The following XIRP2 variants were observed in gnomAD, a reference collection of about 807,000 sequenced individuals.
The protein encoded by XIRP2 is xin actin binding repeat containing 2.
A neutral mutation model predicts 277.0 loss-of-function variants in XIRP2; 236 were observed. The observed-to-expected ratio is 0.85, with a 90% CI of 0.77 to 0.95. The LOEUF is 0.95. XIRP2 is among the 40% of genes least tolerant of loss of function. The probability of loss-of-function intolerance (pLI) is 0.00; values close to 1 mark genes in which losing one functional copy is unlikely to be tolerated. For synonymous variants in XIRP2, 1,490 were observed against 1,416.5 expected, an observed-to-expected ratio of 1.05 and a Z score of -1.17; for missense variants, 4,640 against 4,157.5, an observed-to-expected ratio of 1.12 and a Z score of -3.19.
At chr2:167,036,867 G>C (rs979559222) in intron 2 of XIRP2, among the ~76,000 whole-genome samples, 1 of 152,142 alleles carries the variant, frequency 6.6e-6, no homozygotes, top group Non-Finnish European at 1.5e-5. Flanking sequence ...TCTCATGATA[G>C]TGAATAAGTC....
At chr2:167,220,640 T>C (rs912715895) in intron 5 of XIRP2, among the ~76,000 whole-genome samples, 1 of 152,190 alleles carries the variant, frequency 6.6e-6, no homozygotes, top group African/African-American at 2.4e-5. Context: ...AAGAATCATT[T>C]TCCCAGAAGT....
At chr2:167,203,544 A>G (rs1203550246) in intron 3 of XIRP2, among the ~76,000 whole-genome samples, 1 of 152,150 alleles carries the variant, frequency 6.6e-6, no homozygotes, top group Non-Finnish European at 1.5e-5. Flanking sequence ...AAATGCTACA[A>G]GATGGTTTTT....
At chr2:166,918,461 C>G (rs1684948717) in intron 2 of XIRP2, among the ~76,000 whole-genome samples, 1 of 152,002 alleles carries the variant, frequency 6.6e-6, no homozygotes, top group Non-Finnish European at 1.5e-5. Flanking sequence ...GTATGAAAAT[C>G]AGTCATAGGA....
intron 2 of XIRP2, among the ~76,000 whole-genome samples, chr2:167,037,518 G>GTGTGTGTGTGTGT (rs1553481077): frequency 1.6e-5 from 2 of 126,382 alleles, no homozygotes; most frequent in African/African-American, 3.3e-5. Flanking sequence ...TCATGTGGGG[G>GTGTGTGTGTGTGT]GTGTGTGTGT....
chr2:166,915,902 A>G (rs1030796395), intron 2 of XIRP2, among the ~76,000 whole-genome samples: 1 of 152,174 alleles, frequency 6.6e-6, no homozygotes, highest in African/African-American at 2.4e-5. Flanking sequence ...CATGAGCTGA[A>G]CTGTATCAAA....
At chr2:167,147,182 C>T (rs1203830577) in intron 3 of XIRP2, among the ~76,000 whole-genome samples, 1 of 151,960 alleles carries the variant, frequency 6.6e-6, no homozygotes, top group Non-Finnish European at 1.5e-5. Flanking sequence ...AAATATTGGC[C>T]AGTGAAATTG....
chr2:167,153,032 TG>T (rs1455898555), intron 3 of XIRP2, among the ~76,000 whole-genome samples: 3 of 152,180 alleles, frequency 2.0e-5, no homozygotes, highest in Non-Finnish European at 2.9e-5. Flanking sequence ...CTCTGTATTA[TG>T]ATTTATTTGT....
chr2:166,898,032 T>C (rs1313436971), intron 1 of XIRP2, among the ~76,000 whole-genome samples: 1 of 152,076 alleles, frequency 6.6e-6, no homozygotes, highest in African/African-American at 2.4e-5. Flanking sequence ...TTTGTTTCCA[T>C]GAGAAGAGAG....
intron 2 of XIRP2, among the ~76,000 whole-genome samples, chr2:166,960,167 A>T (rs1208370218): frequency 2.6e-5 from 4 of 151,736 alleles, no homozygotes; most frequent in Admixed American, 1.3e-4. Flanking sequence ...GTTGCTTTTT[A>T]ACCAAGAATA....
At chr2:167,028,391 GA>G (rs1397796284) in intron 2 of XIRP2, among the ~76,000 whole-genome samples, 1 of 152,004 alleles carries the variant, frequency 6.6e-6, no homozygotes, top group Non-Finnish European at 1.5e-5. Flanking sequence ...CAGAAACTAA[GA>G]GAAGAGAGCA....
At chr2:166,955,826 T>A (rs1686147638) in intron 2 of XIRP2, among the ~76,000 whole-genome samples, 1 of 151,350 alleles carries the variant, frequency 6.6e-6, no homozygotes, top group Non-Finnish European at 1.5e-5. Context: ...TTTTTTTTTT[T>A]CTTTTTGGCT....
At chr2:167,122,461 C>G (rs1256340606) in intron 2 of XIRP2, among the ~76,000 whole-genome samples, 3 of 152,158 alleles carry the variant, frequency 2.0e-5, no homozygotes, top group Non-Finnish European at 4.4e-5. Context: ...TAACAGGCAT[C>G]AGAAATGTTG....
chr2:167,215,596 C>T (rs1009118613), intron 4 of XIRP2, among the ~76,000 whole-genome samples: 2 of 152,126 alleles, frequency 1.3e-5, no homozygotes, highest in Non-Finnish European at 2.9e-5. Context: ...GTATAGAAAC[C>T]TCTCAGCTCC....
chr2:166,907,465 C>A (rs974703288), intron 2 of XIRP2, among the ~76,000 whole-genome samples: 1 of 152,118 alleles, frequency 6.6e-6, no homozygotes, highest in South Asian at 2.1e-4. Flanking sequence ...TTCATCTGAT[C>A]TTGTCTGATG....
At chr2:167,013,917 C>T (rs1369569433) in intron 2 of XIRP2, among the ~76,000 whole-genome samples, 4 of 151,036 alleles carry the variant, frequency 2.6e-5, no homozygotes, top group African/African-American at 7.3e-5. Context: ...TATATCAGCT[C>T]AGTATCTAGT....
intron 9 of XIRP2, among the ~76,000 whole-genome samples, chr2:167,252,490 G>A (rs953440829): frequency 3.3e-5 from 5 of 151,844 alleles, no homozygotes; most frequent in South Asian, 2.1e-4. Context: ...CTACTGAGTT[G>A]GATAGAGTTA....
rs372395833 is a variant in XIRP2, at chr2:167,053,960, G to A, written c.409-81949G>A. On this transcript the variant is annotated intron_variant, in intron 2 of 10. Coordinates refer to ENST00000409195, the MANE Select transcript of XIRP2 (RefSeq NM_152381.6). ...CCCTGAAATTGTACTTCAGTGAAAC[G>A]ATCTGTATTATGGTTCAAGAATTGT... Among the ~76,000 whole-genome samples the A allele has an allele frequency of 8.1e-4, 124 of 152,244 alleles. 5 individuals are homozygous for A. The South Asian group carries it at 0.025, about 31-fold the overall frequency.
At chr2:167,186,389 T>C (rs1693155853) in intron 3 of XIRP2, among the ~76,000 whole-genome samples, 1 of 152,196 alleles carries the variant, frequency 6.6e-6, no homozygotes, top group African/African-American at 2.4e-5. Flanking sequence ...AGCTTACAAA[T>C]AGGCATTTTA....
intron 2 of XIRP2, among the ~76,000 whole-genome samples, chr2:167,132,511 T>C (rs867300405): frequency 1.5e-4 from 22 of 146,328 alleles, no homozygotes; most frequent in Admixed American, 1.0e-3. Flanking sequence ...TGCATGTGTA[T>C]ACACACACAC....
Sources: gnomAD v4.1 joint callset for allele counts (sites outside exome capture counted in the v4.1 genomes callset) on GRCh38, gnomAD v4.1.1 for gene constraint, MANE v1.5 for transcripts, NCBI Gene and HGNC (gene_info 2026-07-23, HGNC 2026-07-21) for gene names.